Variants in STRBP observed in about 807,000 individuals in gnomAD.
The protein encoded by STRBP is spermatid perinuclear RNA-binding protein.
STRBP carries 13 observed loss-of-function variants against 80.1 expected under a neutral mutation model. The observed-to-expected ratio is 0.16, with a 90% confidence interval of 0.11 to 0.26. The LOEUF is 0.26. STRBP is among the 10% of genes least tolerant of loss of function. The pLI is 1.00. For synonymous variants in STRBP, 284 were observed against 291.2 expected (o/e 0.98, Z 0.25); for missense variants, 485 against 815.2 (o/e 0.59, Z 4.93).
At chr9:123,133,279 C>G (rs1394299842) in intron 16 of STRBP, among the ~76,000 whole-genome samples, 1 of 152,190 alleles carries the variant, frequency 6.6e-6, no homozygotes, top group South Asian at 2.1e-4. Context: ...AGTAATCATA[C>G]ACACTTGGTA....
At chr9:123,261,937 T>A (rs2041168721) in intron 1 of STRBP, among the ~76,000 whole-genome samples, 1 of 152,224 alleles carries the variant, frequency 6.6e-6, no homozygotes, top group Non-Finnish European at 1.5e-5. Context: ...CAATGTTTAA[T>A]GAGTTTCAGA....
intron 1 of STRBP, among the ~76,000 whole-genome samples, chr9:123,244,659 C>T (rs867272488): frequency 2.6e-5 from 4 of 152,116 alleles, no homozygotes; most frequent in Non-Finnish European, 4.4e-5. Flanking sequence ...TGATGTCAAA[C>T]GCTGGCAAAG....
intron 13 of STRBP, 43 bp downstream of exon 13, chr9:123,146,812 A>G: frequency 6.7e-7 from 1 of 1,498,662 alleles, no homozygotes; most frequent in Non-Finnish European, 9.1e-7. Flanking sequence ...ATTATTTGGA[A>G]CATAAAATAA....
At chr9:123,120,499 G>A (rs1446156510), downstream of STRBP, among the ~76,000 whole-genome samples, 1 of 133,646 alleles carries the variant, frequency 7.5e-6, no homozygotes, top group Admixed American at 7.3e-5. Flanking sequence ...GTGGGGGGGG[G>A]GGGGCAGGGG....
chr9:123,158,933 T>C (rs1161492390), intron 9 of STRBP, among the ~76,000 whole-genome samples, 163 bp downstream of exon 9: 2 of 152,096 alleles, frequency 1.3e-5, no homozygotes, highest in African/African-American at 4.8e-5. Flanking sequence ...GAAAAAGAGT[T>C]TTATAGCACT....
chr9:123,193,617 T>C (rs913145569), intron 2 of STRBP, among the ~76,000 whole-genome samples: 4 of 152,086 alleles, frequency 2.6e-5, no homozygotes, highest in African/African-American at 9.7e-5. Context: ...TTGTATTCCT[T>C]TCCTCCAATG....
At chr9:123,211,526 T>C (rs969046046) in intron 2 of STRBP, among the ~76,000 whole-genome samples, 1 of 152,158 alleles carries the variant, frequency 6.6e-6, no homozygotes, top group Non-Finnish European at 1.5e-5. Flanking sequence ...CAAGTGCTTA[T>C]TGCAGGCCAA....
At chr9:123,155,075 G>A (rs769402914) in intron 11 of STRBP, among the ~76,000 whole-genome samples, 4 of 152,166 alleles carry the variant, frequency 2.6e-5, no homozygotes, top group East Asian at 1.9e-4. Flanking sequence ...TAGAAAGGTC[G>A]GTCTTAAGAG....
intron 11 of STRBP, among the ~76,000 whole-genome samples, chr9:123,153,293 C>T (rs1489370970): frequency 2.6e-5 from 4 of 151,618 alleles, no homozygotes; most frequent in Admixed American, 6.6e-5. Context: ...CGGATTCAAG[C>T]GATTCTCTTG....
Position 123,125,360 on chromosome 9 carries a change from G to A in STRBP, c.*237C>T. ...TTTATTTCCCTAGAACAGAAGGGCT[G>A]GTATAAGTTATTTTCCAGAAATGAG... On this transcript the variant is annotated 3_prime_UTR_variant, in exon 19 of 19. Coordinates refer to ENST00000348403, the MANE Select transcript of STRBP (RefSeq NM_018387.5). The A allele has an allele frequency of 8.3e-7, 1 of 1,201,034 alleles. No individual in the cohort carries two copies. The highest frequency in any genetic ancestry group is 3.4e-5 in the South Asian group (1 of 29,300). 74.4% of individuals were successfully genotyped at this position (1,201,034 alleles called of 1,614,324 possible).
rs965619433 is a variant in STRBP at position 123,121,871 on chromosome 9, A to G, written c.*3726T>C. On this transcript the variant is annotated 3_prime_UTR_variant, in exon 19 of 19. Coordinates refer to ENST00000348403, the MANE Select transcript of STRBP (RefSeq NM_018387.5). Reference sequence around the variant, plus strand: ...CTGTCATTAAAATCTTCTTAGATGAACTGTTCCTATCACTGAATTCTTACA... The same window carrying G: ...CTGTCATTAAAATCTTCTTAGATGAGCTGTTCCTATCACTGAATTCTTACA... 28 of 153,098 alleles carry G rather than the reference A, an allele frequency of 1.8e-4. No homozygotes were observed. The highest frequency in any genetic ancestry group is 2.9e-5 in the Non-Finnish European group (2 of 68,874). The allele number at this position is 153,098 out of a possible 1,614,324, so 9.5% of individuals were successfully genotyped here.
chr9:123,182,611 TC>T (rs1284643633), intron 3 of STRBP, among the ~76,000 whole-genome samples: 1 of 152,214 alleles, frequency 6.6e-6, no homozygotes, highest in African/African-American at 2.4e-5. Context: ...TAACATTTGT[TC>T]CCACAATCTA....
At chr9:123,134,826 AATC>A (rs1257899228) in intron 16 of STRBP, among the ~76,000 whole-genome samples, 1 of 152,224 alleles carries the variant, frequency 6.6e-6, no homozygotes, top group East Asian at 1.9e-4. Context: ...ATAAAACAAG[AATC>A]ATCTTTCAAC....
At chr9:123,242,597 T>C (rs1231729612) in intron 1 of STRBP, among the ~76,000 whole-genome samples, 1 of 152,066 alleles carries the variant, frequency 6.6e-6, no homozygotes, top group Non-Finnish European at 1.5e-5. Flanking sequence ...GAGGAAAAGG[T>C]TGCACTAAGT....
At chr9:123,239,788 T>A (rs2040654438) in intron 1 of STRBP, among the ~76,000 whole-genome samples, 1 of 152,238 alleles carries the variant, frequency 6.6e-6, no homozygotes. Flanking sequence ...GCATCTGAAT[T>A]TATGAAATGT....
At chr9:123,200,925 T>C (rs972708708) in intron 2 of STRBP, among the ~76,000 whole-genome samples, 1 of 151,674 alleles carries the variant, frequency 6.6e-6, no homozygotes, top group Admixed American at 6.6e-5. Context: ...TTGTTATTGG[T>C]CTGTTCAAGG....
chr9:123,168,137 T>C, intron 6 of STRBP: 1 of 748,434 alleles, frequency 1.3e-6, no homozygotes, highest in South Asian at 6.1e-5. Flanking sequence ...ATTACAACAC[T>C]ACTTAGAAAT....
intron 1 of STRBP, among the ~76,000 whole-genome samples, chr9:123,253,645 TTAACAA>T (rs1262619262): frequency 6.6e-6 from 1 of 152,252 alleles, no homozygotes; most frequent in Non-Finnish European, 1.5e-5. Flanking sequence ...AGTGTGAAGA[TTAACAA>T]TAATATGCAC....
At chr9:123,159,036 G>T in intron 9 of STRBP, 60 bp downstream of exon 9, 2 of 1,387,036 alleles carry the variant, frequency 1.4e-6, no homozygotes, top group Non-Finnish European at 2.0e-6. Context: ...CATATATTTA[G>T]AAAAATAAAC....
Sources: allele counts gnomAD v4.1 joint callset (sites outside exome capture counted in the v4.1 genomes callset), GRCh38; gene constraint gnomAD v4.1.1; transcripts MANE v1.5; gene names NCBI Gene and HGNC (gene_info 2026-07-23, HGNC 2026-07-21).